The following SYNDIG1 variants were observed in gnomAD, a reference collection of about 807,000 sequenced individuals.
SYNDIG1 encodes synapse differentiation-inducing gene protein 1.
A neutral mutation model predicts 19.4 loss-of-function variants in SYNDIG1; 9 were observed. The ratio of observed to expected loss-of-function variants is 0.46; its 90% CI spans 0.28 to 0.81. SYNDIG1 has a LOEUF of 0.81. Among genes scored for constraint, SYNDIG1 ranks in the 30% least tolerant of loss-of-function variants. The probability of loss-of-function intolerance (pLI) is 0.12; values close to 1 mark genes in which losing one functional copy is unlikely to be tolerated. For missense variants in SYNDIG1, 311 were observed against 343.3 expected (o/e 0.91, Z 0.74); for synonymous variants, 141 against 145.9 (o/e 0.97, Z 0.24).
At chr20:24,641,229 T>A (rs1038934747) in intron 3 of SYNDIG1, among the ~76,000 whole-genome samples, 1 of 152,168 alleles carries the variant, frequency 6.6e-6, no homozygotes, top group Non-Finnish European at 1.5e-5. Context: ...CGCAGACATG[T>A]TTAGGAGAAC....
At chr20:24,651,884 G>A (rs1222952833) in intron 3 of SYNDIG1, among the ~76,000 whole-genome samples, 2 of 152,204 alleles carry the variant, frequency 1.3e-5, no homozygotes. Context: ...AGTGACCACC[G>A]TGCTGGAGAG....
intron 2 of SYNDIG1, among the ~76,000 whole-genome samples, chr20:24,564,250 A>C (rs1315808666): frequency 6.6e-6 from 1 of 152,244 alleles, no homozygotes; most frequent in Admixed American, 6.5e-5. Context: ...AAAAGAGTAA[A>C]GAGAAACAGT....
intron 3 of SYNDIG1, among the ~76,000 whole-genome samples, chr20:24,642,437 G>A (rs995428735): frequency 4.0e-4 from 61 of 152,150 alleles, no homozygotes; most frequent in Middle Eastern, 3.4e-3. Flanking sequence ...GGAAGTCACC[G>A]CACAGCCCAC....
At chr20:24,609,200 C>G (rs1295509912) in intron 3 of SYNDIG1, among the ~76,000 whole-genome samples, 1 of 152,200 alleles carries the variant, frequency 6.6e-6, no homozygotes, top group Non-Finnish European at 1.5e-5. Context: ...TTTCTTGCCT[C>G]TTTGCTTAGC....
intron 1 of SYNDIG1, among the ~76,000 whole-genome samples, chr20:24,535,253 ATAGGAGTAGC>A (rs2057338329): frequency 6.6e-6 from 1 of 152,234 alleles, no homozygotes; most frequent in Non-Finnish European, 1.5e-5. Context: ...TGGTGAGAGC[ATAGGAGTAGC>A]TCTTCATGTC....
At chr20:24,553,968 A>G (rs2057760539) in intron 2 of SYNDIG1, among the ~76,000 whole-genome samples, 1 of 152,074 alleles carries the variant, frequency 6.6e-6, no homozygotes, top group Non-Finnish European at 1.5e-5. Context: ...ATTTGTTTGT[A>G]TCCTCTTTTA....
chr20:24,545,374 G>T (rs1361836312), intron 2 of SYNDIG1, among the ~76,000 whole-genome samples: 1 of 152,172 alleles, frequency 6.6e-6, no homozygotes, highest in Non-Finnish European at 1.5e-5. Flanking sequence ...CTGTTCAGAA[G>T]CCTCTGCCCT....
intron 2 of SYNDIG1, among the ~76,000 whole-genome samples, chr20:24,544,637 C>T (rs2057538859): frequency 6.6e-6 from 1 of 151,994 alleles, no homozygotes; most frequent in Non-Finnish European, 1.5e-5. Context: ...AAGAAGTCCA[C>T]ATGCTGGCCT....
chr20:24,642,026 A>G (rs373895528), intron 3 of SYNDIG1, among the ~76,000 whole-genome samples: 2 of 152,226 alleles, frequency 1.3e-5, no homozygotes, highest in African/African-American at 4.8e-5. Flanking sequence ...GGTTAAACAA[A>G]AAACAAAAAG....
At chr20:24,495,439 T>A (rs1351325282) in intron 1 of SYNDIG1, 1 of 152,348 alleles carries the variant, frequency 6.6e-6, no homozygotes, top group Non-Finnish European at 1.5e-5. Context: ...GCCCGCTTCA[T>A]CCAGTTCCCC....
At chr20:24,579,235 C>T (rs2058282927) in intron 2 of SYNDIG1, among the ~76,000 whole-genome samples, 1 of 152,202 alleles carries the variant, frequency 6.6e-6, no homozygotes, top group Admixed American at 6.5e-5. Flanking sequence ...TGGGCGGAGC[C>T]TTCAATGGCA....
intron 1 of SYNDIG1, among the ~76,000 whole-genome samples, chr20:24,532,322 G>A (rs1386228604): frequency 1.3e-5 from 2 of 152,180 alleles, no homozygotes; most frequent in African/African-American, 4.8e-5. Context: ...GAGAAGAAAT[G>A]ACCTCAAACA....
chr20:24,563,115 AC>A (rs1320770528), intron 2 of SYNDIG1, among the ~76,000 whole-genome samples: 7 of 152,226 alleles, frequency 4.6e-5, no homozygotes, highest in Admixed American at 4.6e-4. Flanking sequence ...AAAATCCAGT[AC>A]CAATAAAAAG....
At chr20:24,597,404 CATTA>C (rs1405709691) in intron 3 of SYNDIG1, among the ~76,000 whole-genome samples, 1 of 152,110 alleles carries the variant, frequency 6.6e-6, no homozygotes, top group Non-Finnish European at 1.5e-5. Context: ...GAGCTCAAGA[CATTA>C]AAGACCACAG....
chr20:24,549,970 A>G (rs535157510), intron 2 of SYNDIG1, among the ~76,000 whole-genome samples: 5 of 152,222 alleles, frequency 3.3e-5, no homozygotes, highest in African/African-American at 9.6e-5. Flanking sequence ...TTGTTCTGCC[A>G]TCTGTCTATT....
chr20:24,665,248 A>G lies in SYNDIG1; in HGVS notation c.619-98A>G, dbSNP rs189144051. 3.5e-4 allele frequency: 506 copies of G among 1,427,484 alleles called. No individual in the cohort carries two copies. The African/African-American group carries it at 6.7e-3, about 19-fold the overall frequency. 88.4% of individuals were successfully genotyped at this position (1,427,484 alleles called of 1,614,324 possible). A position where few individuals can be genotyped will look rare whatever the true frequency, so the allele number is the denominator to read the frequency against. The stretch of plus-strand genomic sequence containing the variant: ...CCCCTCAGCCTTCTCTGCATCAACA[A>G]TGCCTTTTTCTGAATCAGGAGCCGT... On this transcript the variant is annotated intron_variant, in intron 3 of 3. Transcript: ENST00000376862.
chr20:24,582,511 C>T (rs2058347693), intron 2 of SYNDIG1, among the ~76,000 whole-genome samples: 1 of 148,828 alleles, frequency 6.7e-6, no homozygotes, highest in Admixed American at 6.7e-5. Context: ...CTCCCCCCTG[C>T]ATATCCTCCA....
intron 3 of SYNDIG1, among the ~76,000 whole-genome samples, chr20:24,624,989 T>C (rs960227868): frequency 2.5e-4 from 38 of 152,326 alleles, no homozygotes; most frequent in African/African-American, 7.7e-4. Context: ...CTTAAGAATA[T>C]TTCAACTTAG....
At chr20:24,532,298 T>C (rs1196976900) in intron 1 of SYNDIG1, among the ~76,000 whole-genome samples, 1 of 152,164 alleles carries the variant, frequency 6.6e-6, no homozygotes, top group African/African-American at 2.4e-5. Context: ...TACCATGGAA[T>C]ATGAGCCCGC....
Sources: allele counts gnomAD v4.1 joint callset (sites outside exome capture counted in the v4.1 genomes callset), GRCh38; gene constraint gnomAD v4.1.1; transcripts MANE v1.5; gene names NCBI Gene and HGNC (gene_info 2026-07-23, HGNC 2026-07-21).